SPEG: variants seen among roughly 807,000 people sequenced by gnomAD.
SPEG encodes striated muscle preferentially expressed protein kinase.
A neutral mutation model predicts 300.4 loss-of-function variants in SPEG; 114 were observed. The observed-to-expected ratio is 0.38, with a 90% CI of 0.33 to 0.44. SPEG has a LOEUF of 0.44. Among genes scored for constraint, SPEG ranks in the 20% least tolerant of loss-of-function variants. The pLI is 1.00. For missense variants in SPEG, 4,201 were observed against 4,586.2 expected (o/e 0.92, Z 2.43); for synonymous variants, 1,964 against 2,018.9 (o/e 0.97, Z 0.73).
Position 219,448,252 on chromosome 2 carries a change from T to C in SPEG, c.1094T>C (p.Leu365Pro). ...AAGTCCAAGTCGTCCGGGCCCTCCC[T>C]GGCGGGCACCGCGGAATCCCGACCC... ...GKKSKSSGPS[L>P]AGTAESRPQT... Residue 365 changes from leucine (L) to proline (P), a missense_variant, in exon 4 of 41, where the codon CTG becomes CCG. This residue lies in a region of SPEG where 1,258 missense variants were observed against 1,293.9 expected (regional missense o/e 0.97). Transcript: ENST00000312358. The C allele has an allele frequency of 6.2e-7, 1 of 1,612,198 alleles. No homozygotes were observed. The highest frequency in any genetic ancestry group is 8.5e-7 in the Non-Finnish European group (1 of 1,179,566).
Position 219,468,585 on chromosome 2 carries a change from G to A in SPEG, c.3150G>A (p.Leu1050=). The A allele has an allele frequency of 6.2e-7, 1 of 1,612,580 alleles. No homozygotes were observed. The highest frequency in any genetic ancestry group is 2.2e-5 in the East Asian group (1 of 44,874). Residue 1050 remains leucine, a synonymous_variant, in exon 11 of 41, where the codon CTG becomes CTA. Coordinates refer to ENST00000312358, the MANE Select transcript of SPEG (RefSeq NM_005876.5). The part of the protein sequence containing the change: ...TCKLSTAKDE[L]TCSARLTVRP... Reference sequence around the variant, plus strand: ...CTGCCCCCTGCCCCACAGATGAGCTGACCTGCAGTGCCCGGCTGACCGTGC... The same window carrying A: ...CTGCCCCCTGCCCCACAGATGAGCTAACCTGCAGTGCCCGGCTGACCGTGC...
chr2:219,448,523 A>C lies in SPEG; in HGVS notation c.1365A>C (p.Glu455Asp), dbSNP rs1478940671. 4 of 1,446,354 alleles carry C rather than the reference A, an allele frequency of 2.8e-6. No individual in the cohort carries two copies. The highest frequency in any genetic ancestry group is 1.5e-5 in the African/African-American group (1 of 66,986). 89.6% of individuals were successfully genotyped at this position (1,446,354 alleles called of 1,614,324 possible). Residue 455 changes from glutamate to aspartate, a missense_variant, in exon 4 of 41, where the codon GAA becomes GAC. Physicochemically the swap from Glu to Asp is conservative, Grantham distance 45. Around this residue, in one of 4 missense-constraint regions of SPEG, gnomAD observed 1,258 missense variants for 1,293.9 expected, o/e 0.97. Transcript: ENST00000312358. The stretch of plus-strand genomic sequence containing the variant: ...GGGGCACCCCCGGGGCCTCGCAGGA[A>C]GAACTGCGGGCGCCAGGCAGCGTGG... ...APWGTPGASQ[E>D]ELRAPGSVAE...
In SPEG at chr2:219,480,118, G is replaced by T. The variant is rs1377437646; in HGVS notation, c.5320G>T (p.Val1774Leu). 1.1e-5 allele frequency: 18 copies of T among 1,613,854 alleles called. No homozygotes were observed. The highest frequency in any genetic ancestry group is 1.5e-5 in the Non-Finnish European group (18 of 1,179,992). ...ACCCGAGATTGTCAATCAGAGCCCC[G>T]TGTCTGGAGTCACTGACATCTGGTA... ...VAPEIVNQSP[V>L]SGVTDIWPVG... The change falls in exon 25 of 41, where the codon GTG becomes TTG. Residue 1774 changes from valine (V) to leucine (L), a missense_variant. Around this residue, in one of 4 missense-constraint regions of SPEG, gnomAD observed 1,047 missense variants for 1,356.8 expected, o/e 0.77. Transcript: ENST00000312358. This position sits in a 1 kb window ranked among gnomAD's most constrained non-coding sequence, Gnocchi z 5.3.
chr2:219,438,719 GGT>G (rs1954782272), intron 1 of SPEG, among the ~76,000 whole-genome samples: 1 of 152,172 alleles, frequency 6.6e-6, no homozygotes, highest in Non-Finnish European at 1.5e-5. Flanking sequence ...ATGCTCACAT[GGT>G]GTGTTAGTTG....
chr2:219,490,668 G>C lies in SPEG; in HGVS notation c.9161+20G>C. On this transcript the variant is annotated intron_variant, in intron 37 of 40. Transcript: ENST00000312358. ...TGACAGGTAGCTGGGAATTCTAGGGGAGTAGGGAGGAAGAGGTAGGGGAGG... is the reference window on the plus strand; with the variant it reads ...TGACAGGTAGCTGGGAATTCTAGGGCAGTAGGGAGGAAGAGGTAGGGGAGG... The C allele has an allele frequency of 6.2e-7, 1 of 1,609,702 alleles. No individual in the cohort carries two copies. The highest frequency in any genetic ancestry group is 8.5e-7 in the Non-Finnish European group (1 of 1,176,220).
At position 219,493,506 on chromosome 2, in the gene SPEG, T is replaced by G. The variant is rs923028894; in HGVS notation, c.*720T>G. The G allele has an allele frequency of 4.4e-6, 2 of 454,508 alleles. No individual in the cohort carries two copies. Among genetic ancestry groups the G allele is most frequent in the African/African-American group, 2.0e-5 (1 of 50,146 alleles). The allele number at this position is 454,508 out of a possible 1,614,324, so 28.2% of individuals were successfully genotyped here. On this transcript the variant is annotated 3_prime_UTR_variant, in exon 41 of 41. Transcript: ENST00000312358. Reference sequence around the variant, plus strand: ...CTTCTTCCCATTCATATTTATTTATTTATTGACTTTTATGAAGTTTCCCCT... The same window carrying G: ...CTTCTTCCCATTCATATTTATTTATGTATTGACTTTTATGAAGTTTCCCCT...
intron 9 of SPEG, chr2:219,466,938 G>T (rs2125454321): frequency 2.7e-6 from 3 of 1,091,910 alleles, no homozygotes; most frequent in Admixed American, 3.9e-5. Context: ...CCCTCCCTCA[G>T]TTCCCTCTTG....
chr2:219,447,213 TGG>T (rs35954928), intron 3 of SPEG, among the ~76,000 whole-genome samples: 72 of 150,670 alleles, frequency 4.8e-4, no homozygotes, highest in African/African-American at 1.6e-3. Flanking sequence ...CATATCCCTG[TGG>T]GGGGGGGCCT....
intron 9 of SPEG, chr2:219,465,979 A>ATGTG (rs943030941): frequency 1.0e-5 from 13 of 1,245,000 alleles, no homozygotes; most frequent in African/African-American, 1.5e-5. Flanking sequence ...GTGTGTGTGC[A>ATGTG]TGTGTGTGTG....
intron 38 of SPEG, among the ~76,000 whole-genome samples, chr2:219,491,522 A>G (rs1693970863): frequency 6.6e-6 from 1 of 152,208 alleles, no homozygotes; most frequent in African/African-American, 2.4e-5. Flanking sequence ...AGCCGATCCA[A>G]GGGAGCTTGT....
Position 219,489,447 on chromosome 2 carries a change from C to T in SPEG, c.8429C>T (p.Ala2810Val). The T allele has an allele frequency of 1.9e-6, 3 of 1,612,566 alleles. No homozygotes were observed. Among genetic ancestry groups the T allele is most frequent in the Non-Finnish European group, 8.5e-7 (1 of 1,179,310 alleles). The change falls in exon 36 of 41, where the codon GCT (alanine) becomes GTT (valine). Residue 2810 changes from alanine to valine, a missense_variant. This residue lies in a region of SPEG where 1,578 missense variants were observed against 1,506.0 expected (regional missense o/e 1.05). Coordinates refer to ENST00000312358, the MANE Select transcript of SPEG (RefSeq NM_005876.5). The part of the protein sequence containing the change: ...PTSLAPPLAP[A>V]APTPPSVTVS... ...TCACTGGCCCCACCCCTAGCTCCTG[C>T]TGCCCCCACACCCCCGTCAGTCACT...
At chr2:219,456,183 G>A (rs2088180714) in intron 6 of SPEG, among the ~76,000 whole-genome samples, 4 of 152,186 alleles carry the variant, frequency 2.6e-5, no homozygotes, top group East Asian at 1.9e-4. Context: ...GAATCAACAT[G>A]ACCACAGCAG....
chr2:219,445,171 G>A lies in SPEG; in HGVS notation c.815+10G>A, dbSNP rs373081381. ...CGCTCTCTATCCACGTGTAAGTAAC[G>A]GCCTTACCTGGGCCTGAACTGCCCC... On this transcript the variant is annotated intron_variant, in intron 3 of 40. Transcript: ENST00000312358. This position sits in a 1 kb window ranked among gnomAD's most constrained non-coding sequence, Gnocchi z 6.1. 6.4e-6 allele frequency: 10 copies of A among 1,558,152 alleles called. No homozygotes were observed. The highest frequency in any genetic ancestry group is 1.9e-5 in the Admixed American group (1 of 52,038).
intron 31 of SPEG, 58 bp downstream of exon 31, chr2:219,485,535 A>G: frequency 1.4e-6 from 2 of 1,480,246 alleles, no homozygotes; most frequent in Admixed American, 4.8e-5. Context: ...CCCTACCCCC[A>G]TCAGGGAGCA....
At chr2:219,441,401 A>G (rs1688906854) in intron 1 of SPEG, 2 of 412,082 alleles carry the variant, frequency 4.9e-6, no homozygotes, top group East Asian at 7.5e-5. Context: ...TAGGGTTTTC[A>G]CAGTCTGAGT....
At chr2:219,469,740 C>T (rs1281725029) in intron 13 of SPEG, among the ~76,000 whole-genome samples, 1 of 152,188 alleles carries the variant, frequency 6.6e-6, no homozygotes, top group African/African-American at 2.4e-5. Context: ...AGCCCCAGAG[C>T]AGGGCCTGGC....
chr2:219,451,152 C>A lies in SPEG; in HGVS notation c.2130C>A (p.Ser710=). 6.2e-7 allele frequency: 1 copy of A among 1,613,130 alleles called. No individual in the cohort carries two copies. The highest frequency in any genetic ancestry group is 8.5e-7 in the Non-Finnish European group (1 of 1,179,576). Residue 710 remains serine (S), a synonymous_variant, in exon 5 of 41, where the codon TCC becomes TCA. Transcript: ENST00000312358. The surrounding 1 kb of genome is among the most constrained non-coding windows in gnomAD (Gnocchi z 6.4). ...GTCCGGCAGAGTCTTCGGATGACTC[C>A]TACGTGTCCGCTGGAGAAGAGCCCC... is the stretch of plus-strand genomic sequence containing the variant. ...TSPELESSDD[S]YVSAGEEPLE...
At chr2:219,455,730 C>T (rs570526389) in intron 6 of SPEG, among the ~76,000 whole-genome samples, 135 of 152,280 alleles carry the variant, frequency 8.9e-4, no homozygotes, top group African/African-American at 3.1e-3. Flanking sequence ...TGGGTGGGTC[C>T]GACTGGGGGC....
At position 219,483,403 on chromosome 2, in the gene SPEG, C is replaced by T. The variant is rs374137151; in HGVS notation, c.5940C>T (p.Pro1980=). Residue 1980 remains proline, a synonymous_variant, in exon 30 of 41, where the codon CCC becomes CCT. Transcript: ENST00000312358. ...PMDWQEQGRA[P]SQDQEAPSPE... ...ACTGGCAGGAGCAGGGAAGGGCTCC[C>T]TCTCAGGACCAGGAGGCTCCCAGCC... 2 of 1,590,450 alleles carry T rather than the reference C, an allele frequency of 1.3e-6. No homozygotes were observed. The highest frequency in any genetic ancestry group is 1.7e-5 in the Admixed American group (1 of 57,418).
Sources: allele counts gnomAD v4.1 joint callset (sites outside exome capture counted in the v4.1 genomes callset), GRCh38; gene constraint gnomAD v4.1.1; regional missense constraint gnomAD v4.1.1; non-coding constraint Gnocchi (gnomAD v3.1); transcripts MANE v1.5; gene names NCBI Gene and HGNC (gene_info 2026-07-23, HGNC 2026-07-21).